The following MPHOSPH6 variants were observed in gnomAD, a reference collection of about 807,000 sequenced individuals.
MPHOSPH6 encodes M-phase phosphoprotein 6.
MPHOSPH6 carries 25 observed loss-of-function variants against 21.8 expected under a neutral mutation model. The observed-to-expected ratio is 1.15, with a 90% CI of 0.83 to 1.60. MPHOSPH6 has a LOEUF of 1.60. Ranked by LOEUF, MPHOSPH6 falls within the 40% of genes most tolerant of loss-of-function variation. The pLI is 0.00. For missense variants in MPHOSPH6, 269 were observed against 181.8 expected, an observed-to-expected ratio of 1.48 and a Z score of -2.76; for synonymous variants, 84 against 56.5, an observed-to-expected ratio of 1.49 and a Z score of -2.18.
At chr16:82,155,863 C>T (rs1906412249) in intron 2 of MPHOSPH6, among the ~76,000 whole-genome samples, 1 of 151,670 alleles carries the variant, frequency 6.6e-6, no homozygotes, top group African/African-American at 2.4e-5. Flanking sequence ...CAAGATTGCG[C>T]CACTGCACTC....
At chr16:82,165,092 C>T (rs937927244) in intron 1 of MPHOSPH6, among the ~76,000 whole-genome samples, 3 of 147,918 alleles carry the variant, frequency 2.0e-5, no homozygotes, top group African/African-American at 7.5e-5. Context: ...CCATTTCTTT[C>T]CCTTATTCAG....
At chr16:82,168,149 C>A (rs1906847367) in intron 1 of MPHOSPH6, among the ~76,000 whole-genome samples, 2 of 152,034 alleles carry the variant, frequency 1.3e-5, no homozygotes, top group African/African-American at 4.8e-5. Flanking sequence ...TTTCTTTCTT[C>A]TTAGTTGCAA....
chr16:82,159,030 G>A (rs1457610049), intron 2 of MPHOSPH6, among the ~76,000 whole-genome samples: 4 of 152,346 alleles, frequency 2.6e-5, no homozygotes, highest in African/African-American at 9.6e-5. Context: ...TTACTCTGAA[G>A]AAACTACTAC....
intron 2 of MPHOSPH6, among the ~76,000 whole-genome samples, chr16:82,154,910 A>T (rs1906381752): frequency 6.6e-6 from 1 of 152,236 alleles, no homozygotes; most frequent in Non-Finnish European, 1.5e-5. Flanking sequence ...AACCAAAGAC[A>T]TTACAATAAC....
At chr16:82,166,106 T>C (rs1360190334) in intron 1 of MPHOSPH6, among the ~76,000 whole-genome samples, 1 of 152,248 alleles carries the variant, frequency 6.6e-6, no homozygotes, top group Non-Finnish European at 1.5e-5. Flanking sequence ...GTCAATGTCC[T>C]GGCTCTTTAT....
At chr16:82,162,067 C>G (rs575404560) in intron 2 of MPHOSPH6, 1 of 152,318 alleles carries the variant, frequency 6.6e-6, no homozygotes, top group South Asian at 2.1e-4. Flanking sequence ...GAAATACACA[C>G]AATGGTGACA....
intron 1 of MPHOSPH6, among the ~76,000 whole-genome samples, chr16:82,166,363 T>C (rs948782308): frequency 6.6e-5 from 10 of 152,266 alleles, no homozygotes; most frequent in African/African-American, 2.4e-4. Context: ...CTTTTGCCTT[T>C]GCGACTTAAC....
intron 1 of MPHOSPH6, among the ~76,000 whole-genome samples, chr16:82,164,486 G>T (rs1317610126): frequency 6.6e-6 from 1 of 152,232 alleles, no homozygotes; most frequent in Non-Finnish European, 1.5e-5. Flanking sequence ...AGAGCCCACT[G>T]GCTTTGGCAC....
intron 2 of MPHOSPH6, among the ~76,000 whole-genome samples, chr16:82,154,855 T>A (rs1045151310): frequency 1.1e-4 from 17 of 152,048 alleles, no homozygotes; most frequent in African/African-American, 2.4e-4. Context: ...AACCAAGAAC[T>A]AAGAAGAGGA....
intron 2 of MPHOSPH6, among the ~76,000 whole-genome samples, chr16:82,157,489 C>A (rs957576120): frequency 2.0e-5 from 3 of 152,196 alleles, no homozygotes; most frequent in African/African-American, 7.2e-5. Flanking sequence ...AGGAGTGAGA[C>A]TGACTAGAAA....
At chr16:82,161,344 T>C (rs991498539) in intron 2 of MPHOSPH6, among the ~76,000 whole-genome samples, 1 of 152,208 alleles carries the variant, frequency 6.6e-6, no homozygotes, top group Non-Finnish European at 1.5e-5. Context: ...GCAGGCTAAC[T>C]TGTTAGTTTC....
intron 2 of MPHOSPH6, among the ~76,000 whole-genome samples, chr16:82,159,478 C>T (rs1199983130): frequency 6.6e-6 from 1 of 152,100 alleles, no homozygotes; most frequent in Non-Finnish European, 1.5e-5. Context: ...AATCTCGGCT[C>T]AATGCAACCT....
intron 3 of MPHOSPH6, among the ~76,000 whole-genome samples, chr16:82,150,220 G>A (rs1008533191): frequency 2.0e-5 from 3 of 151,756 alleles, no homozygotes; most frequent in Non-Finnish European, 2.9e-5. Flanking sequence ...CAATTTCTGC[G>A]GGCAGTGGCA....
intron 2 of MPHOSPH6, among the ~76,000 whole-genome samples, chr16:82,160,034 CAGAGAA>C (rs1161647285): frequency 6.6e-6 from 1 of 152,112 alleles, no homozygotes; most frequent in Non-Finnish European, 1.5e-5. Context: ...AGGAGGGACC[CAGAGAA>C]AGACAACCTC....
chr16:82,148,940 C>A, intron 4 of MPHOSPH6, 77 bp from the exon 5 acceptor site: 3 of 1,497,318 alleles, frequency 2.0e-6, no homozygotes, highest in South Asian at 1.3e-5. Context: ...AATATCAGAC[C>A]AAATATGCAA....
At position 82,151,408 on chromosome 16, in the gene MPHOSPH6, C is replaced by G. The variant is rs1906260067; in HGVS notation, c.255+16G>C. On this transcript the variant is annotated intron_variant, in intron 3 of 4. Transcript: ENST00000258169. The stretch of plus-strand genomic sequence containing the variant: ...AATTGGAAAAATTTTTAATTTGAAG[C>G]AATTATATTTAATACCTCAACCTCA... The G allele has an allele frequency of 6.2e-6, 10 of 1,600,866 alleles. No individual in the cohort carries two copies. The highest frequency in any genetic ancestry group is 1.1e-5 in the South Asian group (1 of 88,272).
chr16:82,157,587 C>T (rs991655870), intron 2 of MPHOSPH6, among the ~76,000 whole-genome samples: 4 of 152,196 alleles, frequency 2.6e-5, no homozygotes, highest in South Asian at 4.1e-4. Context: ...AAAACACATA[C>T]AGCTGTAGAC....
chr16:82,152,029 A>T (rs1310994890), intron 2 of MPHOSPH6, among the ~76,000 whole-genome samples: 2 of 152,214 alleles, frequency 1.3e-5, no homozygotes, highest in African/African-American at 4.8e-5. Flanking sequence ...CATTTTAAGG[A>T]ACGTAATTTG....
At chr16:82,161,818 T>C (rs534878709) in intron 2 of MPHOSPH6, among the ~76,000 whole-genome samples, 1 of 152,312 alleles carries the variant, frequency 6.6e-6, no homozygotes, top group East Asian at 1.9e-4. Context: ...CTACATGGTC[T>C]AGCCACTGGC....
Sources: gnomAD v4.1 joint callset for allele counts (sites outside exome capture counted in the v4.1 genomes callset) on GRCh38, gnomAD v4.1.1 for gene constraint, MANE v1.5 for transcripts, NCBI Gene and HGNC (gene_info 2026-07-23, HGNC 2026-07-21) for gene names.